The following NXN variants were observed in gnomAD, a reference collection of about 807,000 sequenced individuals.
NXN encodes nucleoredoxin 1.
In NXN, 16 loss-of-function variants were observed where a neutral mutation model predicts 48.6. That is an observed-to-expected ratio of 0.33 (90% CI 0.22 to 0.50). NXN has a LOEUF of 0.50. Ranked by LOEUF, NXN falls within the 20% of genes least tolerant of loss-of-function variation. NXN has a pLI of 0.98. For synonymous variants in NXN, 281 were observed against 269.6 expected (o/e 1.04, Z -0.41); for missense variants, 492 against 605.5 (o/e 0.81, Z 1.97).
Position 830,430 on chromosome 17 carries a change from G to C in NXN, c.361-4352C>G, listed in dbSNP as rs1913391157. 6.6e-6 allele frequency among the ~76,000 whole-genome samples: 1 copy of C among 152,064 alleles called. No homozygotes were observed. Among genetic ancestry groups the C allele is most frequent in the Non-Finnish European group, 1.5e-5 (1 of 68,028 alleles). ...ACTGGGAAGCTGGGATGGCAGCGTGGATTCCAGAGACAGGCGTCCGGGAGG... is the reference window on the plus strand; with the variant it reads ...ACTGGGAAGCTGGGATGGCAGCGTGCATTCCAGAGACAGGCGTCCGGGAGG... On this transcript the variant is annotated intron_variant, in intron 1 of 7. Coordinates refer to ENST00000336868, the MANE Select transcript of NXN (RefSeq NM_022463.5). This position sits in a 1 kb window ranked among gnomAD's most constrained non-coding sequence, Gnocchi z 4.2.
intron 1 of NXN, among the ~76,000 whole-genome samples, chr17:867,829 G>A (rs958006960): frequency 3.9e-5 from 6 of 151,968 alleles, no homozygotes; most frequent in Admixed American, 3.3e-4. Context: ...GGGAGGCTGA[G>A]GCATGAGAAT....
intron 1 of NXN, among the ~76,000 whole-genome samples, chr17:878,428 C>T (rs1424864278): frequency 8.4e-6 from 1 of 119,358 alleles, no homozygotes; most frequent in Non-Finnish European, 1.7e-5. Flanking sequence ...GGAGGGGGTG[C>T]CCTTGAAGGA....
intron 1 of NXN, among the ~76,000 whole-genome samples, chr17:950,254 A>G (rs1414542847): frequency 2.0e-5 from 3 of 152,180 alleles, no homozygotes; most frequent in Non-Finnish European, 4.4e-5. Context: ...TCCAGGCAGG[A>G]AAGAATCAAG....
At chr17:979,254 G>T in intron 1 of NXN, 65 bp downstream of exon 1, 1 of 1,240,512 alleles carries the variant, frequency 8.1e-7, no homozygotes, top group Non-Finnish European at 1.0e-6. Context: ...TAACGGGCGT[G>T]GGGGGCGGGC....
chr17:826,025 G>C lies in NXN; in HGVS notation c.414C>G (p.Leu138=), dbSNP rs369883008. The change falls in exon 2 of 8, where the codon CTC becomes CTG. Residue 138 remains leucine (L), a synonymous_variant. Transcript: ENST00000336868. ...RISNIPSLIF[L]DATTGKVVCR... ...ACACAACCTTCCCAGTGGTGGCGTC[G>C]AGGAATATTAGTGATGGAATGTTGG... is the stretch of plus-strand genomic sequence containing the variant. 3.1e-6 allele frequency: 5 copies of C among 1,614,056 alleles called. No individual in the cohort carries two copies. The highest frequency in any genetic ancestry group is 1.1e-5 in the South Asian group (1 of 91,076).
At chr17:903,950 T>C (rs769699645) in intron 1 of NXN, among the ~76,000 whole-genome samples, 2 of 152,128 alleles carry the variant, frequency 1.3e-5, no homozygotes, top group African/African-American at 2.4e-5. Flanking sequence ...CCCTTGTTTG[T>C]GGTAAAAGTC....
intron 5 of NXN, among the ~76,000 whole-genome samples, chr17:815,803 G>A (rs1912440393): frequency 6.6e-6 from 1 of 152,244 alleles, no homozygotes; most frequent in South Asian, 2.1e-4. Context: ...GATCATGTGT[G>A]AGGGGTGCTC....
chr17:960,720 C>T (rs1051375126), intron 1 of NXN, among the ~76,000 whole-genome samples: 1 of 152,010 alleles, frequency 6.6e-6, no homozygotes, highest in East Asian at 1.9e-4. Flanking sequence ...TCGAGTGATC[C>T]TCTCACCTTG....
intron 1 of NXN, among the ~76,000 whole-genome samples, chr17:963,208 G>GGGAC (rs1228880371): frequency 2.1e-5 from 3 of 142,094 alleles, no homozygotes; most frequent in Admixed American, 6.8e-5. Context: ...TATAGGTACT[G>GGGAC]GGACGGACAC....
rs76721810 is a variant in NXN at position 837,941 on chromosome 17, A to G, written c.361-11863T>C. On this transcript the variant is annotated intron_variant, in intron 1 of 7. Transcript: ENST00000336868. ...AGGATGGCAAGAGCGTGAGGTTCACAAAACAACATGTCCACTCTGATTCCT... is the reference window on the plus strand; with the variant it reads ...AGGATGGCAAGAGCGTGAGGTTCACGAAACAACATGTCCACTCTGATTCCT... Among the ~76,000 whole-genome samples, 1,507 of 152,280 alleles carry G rather than the reference A, an allele frequency of 9.9e-3. 32 individuals are homozygous for G. Among genetic ancestry groups the G allele is most frequent in the African/African-American group, 0.035 (1,436 of 41,550 alleles).
intron 1 of NXN, among the ~76,000 whole-genome samples, chr17:832,467 G>C (rs915522907): frequency 6.6e-6 from 1 of 152,076 alleles, no homozygotes; most frequent in South Asian, 2.1e-4. Context: ...TGACAGGCGT[G>C]AGCCACCATG....
At chr17:945,029 C>T (rs12940087) in intron 1 of NXN, among the ~76,000 whole-genome samples, 106,780 of 151,938 alleles carry the variant, frequency 0.7, 38,466 homozygotes, top group Middle Eastern at 0.82. Flanking sequence ...GGGTTGCCTC[C>T]GTCATCAACA....
rs1041873041 is a variant in NXN at position 919,124 on chromosome 17, T to C, written c.360+60195A>G. 6.6e-6 allele frequency among the ~76,000 whole-genome samples: 1 copy of C among 151,730 alleles called. No homozygotes were observed. Among genetic ancestry groups the C allele is most frequent in the African/African-American group, 2.4e-5 (1 of 41,244 alleles). ...GGCTCACACCTGTAATCCCAGCACTTTGGGAGGCTGAGGGTGGATCACGAG... is the reference window on the plus strand; with the variant it reads ...GGCTCACACCTGTAATCCCAGCACTCTGGGAGGCTGAGGGTGGATCACGAG... On this transcript the variant is annotated intron_variant, in intron 1 of 7. Transcript: ENST00000336868. This position sits in a 1 kb window ranked among gnomAD's most constrained non-coding sequence, Gnocchi z 5.1.
chr17:914,997 C>T (rs149765818), intron 1 of NXN, among the ~76,000 whole-genome samples: 45 of 151,636 alleles, frequency 3.0e-4, no homozygotes, highest in East Asian at 7.8e-4. Flanking sequence ...TGCAGTGGTG[C>T]GATCTCGGCT....
intron 1 of NXN, among the ~76,000 whole-genome samples, chr17:827,630 T>A (rs987555005): frequency 2.6e-5 from 4 of 151,930 alleles, no homozygotes; most frequent in Non-Finnish European, 5.9e-5. Flanking sequence ...CTCAAAAAAA[T>A]AAATAAATAA....
At chr17:946,116 C>T (rs943177869) in intron 1 of NXN, among the ~76,000 whole-genome samples, 6 of 151,256 alleles carry the variant, frequency 4.0e-5, no homozygotes, top group Non-Finnish European at 8.8e-5. Flanking sequence ...GTATTCTAGG[C>T]GCTTGAAAGT....
chr17:814,017 T>G (rs1258439791), intron 5 of NXN, among the ~76,000 whole-genome samples: 1 of 151,636 alleles, frequency 6.6e-6, no homozygotes, highest in Non-Finnish European at 1.5e-5. Flanking sequence ...TCCCAGCACT[T>G]TGGGAGGCCA....
chr17:940,078 C>G (rs535405505), intron 1 of NXN, among the ~76,000 whole-genome samples: 1 of 152,078 alleles, frequency 6.6e-6, no homozygotes, highest in African/African-American at 2.4e-5. Flanking sequence ...GGACCACAGG[C>G]ACAGGCCACC....
At chr17:853,702 C>CAT (rs571601948) in intron 1 of NXN, among the ~76,000 whole-genome samples, 3,884 of 119,170 alleles carry the variant, frequency 0.033, 105 homozygotes, top group South Asian at 0.041. Context: ...CTGTTATACA[C>CAT]ATATATATAT....
Sources: allele counts gnomAD v4.1 joint callset (sites outside exome capture counted in the v4.1 genomes callset), GRCh38; gene constraint gnomAD v4.1.1; non-coding constraint Gnocchi (gnomAD v3.1); transcripts MANE v1.5; gene names NCBI Gene and HGNC (gene_info 2026-07-23, HGNC 2026-07-21).